Variants in PCDHA1 observed in about 807,000 individuals in gnomAD.
The protein encoded by PCDHA1 is protocadherin alpha 1.
In PCDHA1, 42 loss-of-function variants were observed where a neutral mutation model predicts 61.3. That is an observed-to-expected ratio of 0.69 (90% CI 0.54 to 0.89). The LOEUF (loss-of-function observed/expected upper bound fraction) is 0.89. Ranked by LOEUF, PCDHA1 falls within the 40% of genes least tolerant of loss-of-function variation. The probability of loss-of-function intolerance (pLI) is 0.00; values close to 1 mark genes in which losing one functional copy is unlikely to be tolerated. For missense variants in PCDHA1, 1,256 were observed against 1,235.3 expected, an observed-to-expected ratio of 1.02 and a Z score of -0.25; for synonymous variants, 610 against 553.8, an observed-to-expected ratio of 1.10 and a Z score of -1.43.
intron 1 of PCDHA1, chr5:140,870,454 G>A (rs782508076): frequency 6.2e-7 from 1 of 1,614,236 alleles, no homozygotes; most frequent in African/African-American, 1.3e-5. Flanking sequence ...GAACGACAAT[G>A]CGCCTGCGTT....
rs1554263082 is a variant in PCDHA1 at position 141,010,709 on chromosome 5, TG to T, written c.*773del. 2 of 154,830 alleles carry T rather than the reference TG, an allele frequency of 1.3e-5. No individual in the cohort carries two copies. Among genetic ancestry groups the T allele is most frequent in the African/African-American group, 2.4e-5 (1 of 41,516 alleles). The allele number at this position is 154,830 out of a possible 1,614,324, so 9.6% of individuals were successfully genotyped here. On this transcript the variant is annotated 3_prime_UTR_variant, in exon 4 of 4. Transcript: ENST00000504120. Reference sequence around the variant, plus strand: ...TCTGATGTGTTTCCTATACATGTCCTGTGCTCACTTTATTAAAAATTCTTTT... The same window carrying T: ...TCTGATGTGTTTCCTATACATGTCCTTGCTCACTTTATTAAAAATTCTTTT...
chr5:140,889,265 A>G (rs900785254), intron 1 of PCDHA1, among the ~76,000 whole-genome samples: 7 of 151,968 alleles, frequency 4.6e-5, no homozygotes, highest in African/African-American at 2.4e-5. Context: ...AAAAGTTTGT[A>G]TAATCTTTGA....
At chr5:140,879,201 G>A (rs2057895897) in intron 1 of PCDHA1, among the ~76,000 whole-genome samples, 1 of 152,164 alleles carries the variant, frequency 6.6e-6, no homozygotes, top group Non-Finnish European at 1.5e-5. Context: ...TTAAATTATG[G>A]CAGTAGAAAT....
chr5:140,984,960 CAG>C (rs1387655082), intron 3 of PCDHA1, among the ~76,000 whole-genome samples: 2 of 151,386 alleles, frequency 1.3e-5, no homozygotes, highest in African/African-American at 4.9e-5. Context: ...TTTTTTGAGA[CAG>C]AGTCTCGCTC....
At position 140,786,399 on chromosome 5, in the gene PCDHA1, G is replaced by C. The variant is rs542070490; in HGVS notation, c.109G>C (p.Glu37Gln). The change falls in exon 1 of 4, where the codon GAG (glutamate) becomes CAG (glutamine). Residue 37 changes from glutamate (E) to glutamine (Q), a missense_variant. Glu to Gln is a conservative substitution (Grantham distance 29). Transcript: ENST00000504120. Reference protein sequence around the residue: ...GSGQLHYSIPEEAKHGTFVGR... With the variant: ...GSGQLHYSIPQEAKHGTFVGR... ...CGGCCAGCTCCACTACTCGATCCCGGAGGAAGCCAAACACGGCACCTTCGT... is the reference window on the plus strand; with the variant it reads ...CGGCCAGCTCCACTACTCGATCCCGCAGGAAGCCAAACACGGCACCTTCGT... 2.5e-5 allele frequency: 40 copies of C among 1,613,582 alleles called. 1 individual carries two copies. In the Admixed American group the frequency reaches 4.2e-4, roughly 17 times the overall value.
At chr5:140,989,444 T>C (rs2097342711) in intron 3 of PCDHA1, among the ~76,000 whole-genome samples, 1 of 152,130 alleles carries the variant, frequency 6.6e-6, no homozygotes, top group South Asian at 2.1e-4. Context: ...CTGAGGTTGT[T>C]TAGAATTGTT....
At chr5:140,796,267 C>G (rs1554119803) in intron 1 of PCDHA1, 1 of 1,614,124 alleles carries the variant, frequency 6.2e-7, no homozygotes, top group Admixed American at 1.7e-5. Context: ...CTCGCCTTCA[C>G]TGTGGGCCAC....
At chr5:140,872,512 A>T (rs2053716713) in intron 1 of PCDHA1, among the ~76,000 whole-genome samples, 1 of 152,126 alleles carries the variant, frequency 6.6e-6, no homozygotes, top group Admixed American at 6.5e-5. Context: ...CTGTAGTCCC[A>T]GTTTCTTGGG....
chr5:140,889,831 T>C (rs2062398202), intron 1 of PCDHA1, among the ~76,000 whole-genome samples: 1 of 152,138 alleles, frequency 6.6e-6, no homozygotes, highest in African/African-American at 2.4e-5. Flanking sequence ...AGTCTTACAG[T>C]ATGCTTTGGT....
intron 1 of PCDHA1, chr5:140,875,208 C>A: frequency 1.5e-6 from 1 of 668,546 alleles, no homozygotes; most frequent in Non-Finnish European, 2.2e-6. Flanking sequence ...GTGGCTAAAC[C>A]GAAAAGAACC....
At chr5:140,888,426 C>G (rs1315110358) in intron 1 of PCDHA1, among the ~76,000 whole-genome samples, 1 of 152,168 alleles carries the variant, frequency 6.6e-6, no homozygotes, top group Non-Finnish European at 1.5e-5. Flanking sequence ...CTACCGTGCA[C>G]AGGACAGCCG....
chr5:140,825,415 A>AAT (rs782208695), intron 1 of PCDHA1: 2 of 146,774 alleles, frequency 1.4e-5, no homozygotes, highest in African/African-American at 4.9e-5. Context: ...TATTTTATAT[A>AAT]ATATATATAA....
At chr5:140,885,131 CT>C (rs1162868700) in intron 1 of PCDHA1, among the ~76,000 whole-genome samples, 1 of 152,024 alleles carries the variant, frequency 6.6e-6, no homozygotes, top group Non-Finnish European at 1.5e-5. Flanking sequence ...TTCTTTCTTT[CT>C]TTTTTTAAAC....
At chr5:140,956,629 G>A (rs1554222520) in intron 1 of PCDHA1, among the ~76,000 whole-genome samples, 1 of 152,060 alleles carries the variant, frequency 6.6e-6, no homozygotes, top group Non-Finnish European at 1.5e-5. Flanking sequence ...TTGCATCTCT[G>A]CCAGGTTTTG....
At chr5:140,850,282 C>T (rs2150477546) in intron 1 of PCDHA1, 2 of 1,595,502 alleles carry the variant, frequency 1.3e-6, no homozygotes, top group African/African-American at 2.7e-5. Context: ...AAGGTGCGCG[C>T]AGTGGACGCC....
chr5:140,949,120 T>C (rs782586418), intron 1 of PCDHA1, among the ~76,000 whole-genome samples: 3 of 151,756 alleles, frequency 2.0e-5, no homozygotes, highest in Non-Finnish European at 4.4e-5. Flanking sequence ...ATATTTTTGG[T>C]TTTCCTAGCT....
At chr5:140,876,814 G>T (rs571648883) in intron 1 of PCDHA1, 1 of 1,614,226 alleles carries the variant, frequency 6.2e-7, no homozygotes, top group Non-Finnish European at 8.5e-7. Context: ...GGTGGCCGAC[G>T]TGAACGACAA....
chr5:140,944,992 C>T (rs561484046), intron 1 of PCDHA1, among the ~76,000 whole-genome samples: 11 of 152,114 alleles, frequency 7.2e-5, no homozygotes, highest in South Asian at 2.1e-4. Flanking sequence ...ACTTCTGTAA[C>T]GGTTGTGGGT....
intron 2 of PCDHA1, among the ~76,000 whole-genome samples, chr5:140,980,357 C>T (rs191882864): frequency 1.6e-3 from 239 of 152,238 alleles, no homozygotes; most frequent in Middle Eastern, 6.8e-3. Flanking sequence ...CTGGACTGGG[C>T]GCGGTGGCTC....
Sources: allele counts gnomAD v4.1 joint callset (sites outside exome capture counted in the v4.1 genomes callset), GRCh38; gene constraint gnomAD v4.1.1; transcripts MANE v1.5; gene names NCBI Gene and HGNC (gene_info 2026-07-23, HGNC 2026-07-21).